Variants in SH3BP1 observed in about 807,000 individuals in gnomAD.
SH3BP1 encodes SH3 domain-binding protein 1.
In SH3BP1, 46 loss-of-function variants were observed where a neutral mutation model predicts 69.8. The ratio of observed to expected loss-of-function variants is 0.66; its 90% CI spans 0.52 to 0.84. The LOEUF is 0.84. Among genes scored for constraint, SH3BP1 ranks in the 40% least tolerant of loss-of-function variants. The pLI is 0.00. For missense variants in SH3BP1, 868 were observed against 930.9 expected, an observed-to-expected ratio of 0.93 and a Z score of 0.88; for synonymous variants, 403 against 378.0, an observed-to-expected ratio of 1.07 and a Z score of -0.77.
At chr22:37,644,998 C>T in intron 9 of SH3BP1, 38 bp downstream of exon 9, 1 of 1,572,204 alleles carries the variant, frequency 6.4e-7, no homozygotes, top group Non-Finnish European at 8.7e-7. Flanking sequence ...ACCCCTGACC[C>T]TGCCCTGCTC....
At chr22:37,645,188 A>AGCC in intron 9 of SH3BP1, 177 bp from the exon 10 acceptor site, 1 of 943,360 alleles carries the variant, frequency 1.1e-6, no homozygotes. Context: ...GGTGGCCTGG[A>AGCC]CTAGGACAGA....
Position 37,643,152 on chromosome 22 carries a change from G to C in SH3BP1, c.451G>C (p.Asp151His). ...GAAAAGCCTCCAGAAGCTCGTGTCC[G>C]ACTGGAACACACTCAAGAGCAGGTG... is the stretch of plus-strand genomic sequence containing the variant. ...HKKSLQKLVS[D>H]WNTLKSRLSQ... Residue 151 changes from aspartate (D) to histidine (H), a missense_variant, in exon 6 of 18, where the codon GAC (aspartate) becomes CAC (histidine). Physicochemically the swap from Asp to His is moderately conservative, Grantham distance 81. Around this residue, in one of 3 missense-constraint regions of SH3BP1, gnomAD observed 387 missense variants for 447.9 expected, o/e 0.86. Coordinates refer to ENST00000649765, the MANE Select transcript of SH3BP1 (RefSeq NM_018957.6). The C allele has an allele frequency of 6.2e-7, 1 of 1,606,908 alleles. No homozygotes were observed. Among genetic ancestry groups the C allele is most frequent in the Non-Finnish European group, 8.5e-7 (1 of 1,176,982 alleles).
chr22:37,655,766 A>C lies in SH3BP1; in HGVS notation c.*82A>C. ...CCCAGGACAGCTCTCGCCCCCCACA[A>C]AGGGGCATGGGCCTCCAGCCTTTGC... On this transcript the variant is annotated 3_prime_UTR_variant, in exon 18 of 18. Transcript: ENST00000649765. 1.1e-5 allele frequency: 15 copies of C among 1,413,112 alleles called. No homozygotes were observed. Among genetic ancestry groups the C allele is most frequent in the East Asian group, 5.4e-5 (2 of 36,848 alleles). 87.5% of individuals were successfully genotyped at this position (1,413,112 alleles called of 1,614,324 possible).
chr22:37,653,971 G>A, intron 17 of SH3BP1, 98 bp downstream of exon 17: 1 of 873,610 alleles, frequency 1.1e-6, no homozygotes, highest in Non-Finnish European at 1.8e-6. Context: ...AGCCAGGGGA[G>A]GCCAGGAGTC....
chr22:37,655,894 A>AC lies in SH3BP1; in HGVS notation c.*217dup, dbSNP rs751673875. ...TTCCTCGTCCACCCTGGGCTTGGGG[A>AC]CCCCCCCACCGGACTCTCCACTCTC... On this transcript the variant is annotated 3_prime_UTR_variant, in exon 18 of 18. Coordinates refer to ENST00000649765, the MANE Select transcript of SH3BP1 (RefSeq NM_018957.6). 4.7e-5 allele frequency: 73 copies of AC among 1,551,712 alleles called. No individual in the cohort carries two copies. Among genetic ancestry groups the AC allele is most frequent in the African/African-American group, 4.2e-4 (31 of 73,528 alleles).
chr22:37,645,432 G>C lies in SH3BP1; in HGVS notation c.846G>C (p.Leu282=), dbSNP rs571322384. The C allele has an allele frequency of 6.2e-7, 1 of 1,613,942 alleles. No homozygotes were observed. The highest frequency in any genetic ancestry group is 1.3e-5 in the African/African-American group (1 of 75,020). ...ATGGGGTGTCGCTGGCAACCCACCT[G>C]CAAGAGCTGGGCCGGGAGATTGCCC... The part of the protein sequence containing the change: ...RVYGVSLATH[L]QELGREIALP... Residue 282 remains leucine (L), a synonymous_variant, in exon 10 of 18, where the codon CTG becomes CTC. Coordinates refer to ENST00000649765, the MANE Select transcript of SH3BP1 (RefSeq NM_018957.6).
rs775065930 is a variant in SH3BP1, at chr22:37,655,473, G to A, written c.1895G>A (p.Arg632Gln). Residue 632 changes from arginine (R) to glutamine (Q), a missense_variant, in exon 18 of 18, where the codon CGG becomes CAG. By Grantham distance (43) the Arg-to-Gln change is conservative. This residue lies in a region of SH3BP1 where 474 missense variants were observed against 462.3 expected (regional missense o/e 1.03). Coordinates refer to ENST00000649765, the MANE Select transcript of SH3BP1 (RefSeq NM_018957.6). ...PLPPTPPQPA[R>Q]RQSRRSPASP... The stretch of plus-strand genomic sequence containing the variant: ...CCCCCCACACCCCCTCAGCCTGCCC[G>A]GCGCCAAAGCCGGCGTTCACCAGCC... The A allele has an allele frequency of 1.2e-4, 88 of 738,348 alleles. No individual in the cohort carries two copies. The highest frequency in any genetic ancestry group is 1.5e-4 in the Non-Finnish European group (84 of 544,960). 45.7% of individuals were successfully genotyped at this position (738,348 alleles called of 1,614,324 possible).
rs762431553 is a variant in SH3BP1 at position 37,650,197 on chromosome 22, G to A, written c.1362G>A (p.Val454=). Reference sequence around the variant, plus strand: ...CAGCCTCCGTGTCTTCCATCCAGGTGGTGGGCGTCGTCGAGGCGCTGATCC... The same window carrying A: ...CAGCCTCCGTGTCTTCCATCCAGGTAGTGGGCGTCGTCGAGGCGCTGATCC... The part of the protein sequence containing the change: ...LDAASVSSIQ[V]VGVVEALIQS... Residue 454 remains valine, a synonymous_variant, in exon 15 of 18, where the codon GTG becomes GTA. Coordinates refer to ENST00000649765, the MANE Select transcript of SH3BP1 (RefSeq NM_018957.6). The A allele has an allele frequency of 1.9e-6, 3 of 1,614,030 alleles. No homozygotes were observed. Among genetic ancestry groups the A allele is most frequent in the East Asian group, 4.5e-5 (2 of 44,876 alleles).
At position 37,655,492 on chromosome 22, in the gene SH3BP1, A is replaced by C. The variant is rs2146079663; in HGVS notation, c.1914A>C (p.Ser638=). The change falls in exon 18 of 18, where the codon TCA becomes TCC. Residue 638 remains serine (S), a synonymous_variant. Transcript: ENST00000649765. ...CTGCCCGGCGCCAAAGCCGGCGTTC[A>C]CCAGCCTCCCCCAGCCCGGCCTCCC... ...PQPARRQSRR[S]PASPSPASPG... The C allele has an allele frequency of 7.3e-7, 1 of 1,362,760 alleles. No homozygotes were observed. 84.4% of individuals were successfully genotyped at this position (1,362,760 alleles called of 1,614,324 possible). A position where few individuals can be genotyped will look rare whatever the true frequency, so the allele number is the denominator to read the frequency against.
At chr22:37,646,997 C>A in intron 11 of SH3BP1, 68 bp downstream of exon 11, 2 of 1,052,158 alleles carry the variant, frequency 1.9e-6, no homozygotes, top group Non-Finnish European at 2.7e-6. Flanking sequence ...GAAACGATCC[C>A]AAGATAGCCT....
intron 11 of SH3BP1, 144 bp from the exon 12 acceptor site, chr22:37,647,123 T>C: frequency 1.2e-6 from 1 of 834,934 alleles, no homozygotes; most frequent in East Asian, 2.5e-5. Flanking sequence ...TGGCTAGCCT[T>C]CATTTTCTCA....
chr22:37,644,166 T>C (rs1038832546), intron 7 of SH3BP1, among the ~76,000 whole-genome samples: 3 of 152,048 alleles, frequency 2.0e-5, no homozygotes, highest in African/African-American at 7.2e-5. Flanking sequence ...AATCATGAGG[T>C]CAGGAGTTCA....
chr22:37,644,318 G>T (rs1466614731), intron 7 of SH3BP1, among the ~76,000 whole-genome samples: 2 of 152,228 alleles, frequency 1.3e-5, no homozygotes, highest in African/African-American at 4.8e-5. Context: ...GGCGGAGGTT[G>T]CAGTGAGCCA....
intron 13 of SH3BP1, among the ~76,000 whole-genome samples, 183 bp from the exon 14 acceptor site, chr22:37,648,136 T>A (rs2146061268): frequency 6.6e-6 from 1 of 152,346 alleles, no homozygotes; most frequent in African/African-American, 2.4e-5. Context: ...GGGTGGCTGC[T>A]GAGGACTCAG....
intron 3 of SH3BP1, 97 bp from the exon 4 acceptor site, chr22:37,642,442 T>C: frequency 8.1e-7 from 1 of 1,235,580 alleles, no homozygotes; most frequent in Non-Finnish European, 1.2e-6. Flanking sequence ...GTGGCCCTCC[T>C]GGGTTCCCTC....
rs1301072124 is a variant in SH3BP1 at position 37,647,327 on chromosome 22, A to G, written c.1097A>G (p.Asp366Gly). Residue 366 changes from aspartate (D) to glycine (G), a missense_variant, in exon 12 of 18, where the codon GAT (aspartate) becomes GGT (glycine). Asp to Gly is a moderately conservative substitution (Grantham distance 94). Transcript: ENST00000649765. ...PEPLMTFDLYDDWMRAASLKE... is the reference protein window; with the variant it reads ...PEPLMTFDLYGDWMRAASLKE... ...CCTCTGATGACCTTCGACCTCTATG[A>G]TGACTGGATGAGGGCAGCCAGGTGA... 1 of 1,613,764 alleles carries G rather than the reference A, an allele frequency of 6.2e-7. No homozygotes were observed. Among genetic ancestry groups the G allele is most frequent in the Admixed American group, 1.7e-5 (1 of 59,986 alleles).
intron 16 of SH3BP1, among the ~76,000 whole-genome samples, chr22:37,650,993 C>G (rs986394443): frequency 2.6e-5 from 4 of 152,018 alleles, no homozygotes; most frequent in African/African-American, 9.7e-5. Flanking sequence ...CTAGGGAACT[C>G]AAGAGATGAT....
intron 16 of SH3BP1, among the ~76,000 whole-genome samples, chr22:37,651,836 T>G (rs1932885247): frequency 6.7e-6 from 1 of 149,976 alleles, no homozygotes; most frequent in African/African-American, 2.5e-5. Context: ...CTCTCTATAG[T>G]GTCAGGTGGA....
chr22:37,646,573 A>G (rs1932788662), intron 10 of SH3BP1, among the ~76,000 whole-genome samples: 1 of 152,104 alleles, frequency 6.6e-6, no homozygotes, highest in African/African-American at 2.4e-5. Context: ...TCCACTTCTG[A>G]CTGGGCTTCC....
Sources: allele counts gnomAD v4.1 joint callset (sites outside exome capture counted in the v4.1 genomes callset), GRCh38; gene constraint gnomAD v4.1.1; regional missense constraint gnomAD v4.1.1; transcripts MANE v1.5; gene names NCBI Gene and HGNC (gene_info 2026-07-23, HGNC 2026-07-21).